SERPINB2: variants seen among roughly 807,000 people sequenced by gnomAD.
SERPINB2 encodes serpin family B member 2.
SERPINB2 carries 28 observed loss-of-function variants against 39.4 expected under a neutral mutation model. The observed-to-expected ratio is 0.71, with a 90% CI of 0.53 to 0.97. The LOEUF is 0.97. Among genes scored for constraint, SERPINB2 ranks in the 50% least tolerant of loss-of-function variants. The pLI is 0.00. For synonymous variants in SERPINB2, 209 were observed against 175.1 expected (o/e 1.19, Z -1.53); for missense variants, 557 against 505.3 (o/e 1.10, Z -0.98).
chr18:63,893,867 T>C (rs1199775649), intron 2 of SERPINB2, among the ~76,000 whole-genome samples: 3 of 152,204 alleles, frequency 2.0e-5, no homozygotes, highest in Admixed American at 6.5e-5. Context: ...ATTACCGTAC[T>C]CATTTTACAG....
chr18:63,901,353 G>T (rs1725027536), intron 5 of SERPINB2, among the ~76,000 whole-genome samples: 1 of 152,014 alleles, frequency 6.6e-6, no homozygotes, highest in African/African-American at 2.4e-5. Flanking sequence ...AGACTATCTA[G>T]ACCAGATCTA....
Position 63,902,547 on chromosome 18 carries a change from T to C in SERPINB2, c.822T>C (p.Asp274=), listed in dbSNP as rs531529510. 27 of 1,613,348 alleles carry C rather than the reference T, an allele frequency of 1.7e-5. No homozygotes were observed. The highest frequency in any genetic ancestry group is 2.2e-5 in the East Asian group (1 of 44,848). ...MFLLLPDEIA[D]VSTGLELLES... is the part of the protein sequence containing the mutation. ...TGTTGCTTCCAGATGAAATTGCCGA[T>C]GTGTCCACTGGCTTGGAGCTGGTAA... The change falls in exon 7 of 8, where the codon GAT becomes GAC. Residue 274 remains aspartate, a synonymous_variant. Transcript: ENST00000299502.
At chr18:63,891,689 T>C (rs1282255639) in intron 2 of SERPINB2, 77 bp downstream of exon 2, 51 of 1,421,258 alleles carry the variant, frequency 3.6e-5, no homozygotes, top group Non-Finnish European at 4.8e-5. Flanking sequence ...TGTTTTATGC[T>C]AAAGACATTT....
Position 63,903,019 on chromosome 18 carries a change from G to C in SERPINB2, c.962G>C (p.Arg321Thr). 6.2e-7 allele frequency: 1 copy of C among 1,613,892 alleles called. No individual in the cohort carries two copies. Among genetic ancestry groups the C allele is most frequent in the Non-Finnish European group, 8.5e-7 (1 of 1,179,838 alleles). ...AAATTAGAAGAGCATTATGAACTCA[G>C]ATCCATTCTGAGAAGCATGGGCATG... ...QFKLEEHYEL[R>T]SILRSMGMED... The change falls in exon 8 of 8, where the codon AGA becomes ACA. Residue 321 changes from arginine (R) to threonine (T), a missense_variant. Coordinates refer to ENST00000299502, the MANE Select transcript of SERPINB2 (RefSeq NM_002575.3).
chr18:63,897,644 A>G, intron 4 of SERPINB2, 83 bp from the exon 5 acceptor site: 2 of 1,022,924 alleles, frequency 2.0e-6, no homozygotes, highest in Admixed American at 1.9e-5. Context: ...CCTAATTTCA[A>G]TGGGAAGACC....
At chr18:63,894,609 G>T (rs550718300) in intron 2 of SERPINB2, among the ~76,000 whole-genome samples, 87 of 152,258 alleles carry the variant, frequency 5.7e-4, no homozygotes, top group African/African-American at 2.0e-3. Flanking sequence ...GTGGGAAGGG[G>T]ATCTGAGGAA....
intron 5 of SERPINB2, among the ~76,000 whole-genome samples, chr18:63,899,344 T>G (rs9950615): frequency 0.37 from 55,873 of 152,006 alleles, 12,931 homozygotes; most frequent in African/African-American, 0.64. Context: ...TTTGGGTAGG[T>G]CCAGTATGTC....
intron 6 of SERPINB2, 43 bp downstream of exon 6, chr18:63,901,925 G>A: frequency 1.3e-6 from 2 of 1,560,872 alleles, no homozygotes; most frequent in East Asian, 4.7e-5. Flanking sequence ...ATATTTTAGG[G>A]CTTTTGACAA....
chr18:63,897,647 G>A (rs1199227141), intron 4 of SERPINB2, 80 bp from the exon 5 acceptor site: 13 of 1,030,148 alleles, frequency 1.3e-5, no homozygotes, highest in African/African-American at 3.2e-5. Context: ...AATTTCAATG[G>A]GAAGACCATA....
At chr18:63,900,697 A>G (rs1342281639) in intron 5 of SERPINB2, among the ~76,000 whole-genome samples, 2 of 152,112 alleles carry the variant, frequency 1.3e-5, no homozygotes, top group South Asian at 4.1e-4. Flanking sequence ...CACAATGGTA[A>G]ACTGACATGG....
intron 1 of SERPINB2, among the ~76,000 whole-genome samples, chr18:63,888,601 A>G (rs2049906797): frequency 6.6e-6 from 1 of 152,204 alleles, no homozygotes; most frequent in South Asian, 2.1e-4. Flanking sequence ...CCAATCTAAC[A>G]TCCAGGGCCA....
chr18:63,899,816 A>C (rs961373343), intron 5 of SERPINB2, among the ~76,000 whole-genome samples: 1 of 152,196 alleles, frequency 6.6e-6, no homozygotes, highest in Non-Finnish European at 1.5e-5. Context: ...GTCTTGCTTT[A>C]TTAATTACCA....
chr18:63,897,454 T>C (rs2049967099), intron 4 of SERPINB2, among the ~76,000 whole-genome samples: 1 of 152,156 alleles, frequency 6.6e-6, no homozygotes, highest in South Asian at 2.1e-4. Flanking sequence ...ATGCAACTGT[T>C]TTCCAGAGAC....
intron 3 of SERPINB2, 140 bp from the exon 4 acceptor site, chr18:63,896,951 A>G (rs924750710): frequency 6.4e-6 from 4 of 624,032 alleles, no homozygotes; most frequent in Non-Finnish European, 1.0e-5. Flanking sequence ...TTTCTCAAAG[A>G]TTCCTCTAAT....
At position 63,895,357 on chromosome 18, in the gene SERPINB2, G is replaced by A. The variant is rs2049952827; in HGVS notation, c.262G>A (p.Gly88Ser). Residue 88 changes from glycine to serine, a missense_variant, in exon 3 of 8, where the codon GGT becomes AGT. Gly to Ser is a moderately conservative substitution (Grantham distance 56). Transcript: ENST00000299502. ...TGGGTTCATGCAGCAGATCCAGAAG[G>A]GTAGTTATCCTGATGCGATTTTGCA... ...SCGFMQQIQKGSYPDAILQAQ... is the reference protein window; with the variant it reads ...SCGFMQQIQKSSYPDAILQAQ... 6.2e-7 allele frequency: 1 copy of A among 1,613,988 alleles called. No homozygotes were observed. Among genetic ancestry groups the A allele is most frequent in the Non-Finnish European group, 8.5e-7 (1 of 1,179,952 alleles).
At position 63,903,203 on chromosome 18, in the gene SERPINB2, A is replaced by G; in HGVS notation, c.1146A>G (p.Gly382=). The change falls in exon 8 of 8, where the codon GGA becomes GGG. Residue 382 remains glycine, a synonymous_variant. Transcript: ENST00000299502. The stretch of plus-strand genomic sequence containing the variant: ...GAGGTGTTATGACAGGGAGAACTGG[A>G]CATGGAGGCCCACAGTTTGTGGCAG... The part of the protein sequence containing the change: ...GTGGVMTGRT[G]HGGPQFVADH... 6.2e-7 allele frequency: 1 copy of G among 1,613,270 alleles called. No individual in the cohort carries two copies. The highest frequency in any genetic ancestry group is 8.5e-7 in the Non-Finnish European group (1 of 1,179,570).
chr18:63,892,962 T>C lies in SERPINB2; in HGVS notation c.168+1350T>C, dbSNP rs552776492. On this transcript the variant is annotated intron_variant, in intron 2 of 7. Transcript: ENST00000299502. ...CCTTTCTTTTTTTTGAGATGGAGTCTCGCCCTATCACCCAGGCTGGAGTGC... is the reference window on the plus strand; with the variant it reads ...CCTTTCTTTTTTTTGAGATGGAGTCCCGCCCTATCACCCAGGCTGGAGTGC... Among the ~76,000 whole-genome samples the C allele has an allele frequency of 1.2e-4, 19 of 152,260 alleles. No individual in the cohort carries two copies. In the Middle Eastern group the frequency reaches 0.01, roughly 82 times the overall value.
intron 2 of SERPINB2, 145 bp from the exon 3 acceptor site, chr18:63,895,119 A>C: frequency 7.0e-6 from 6 of 851,462 alleles, no homozygotes; most frequent in Non-Finnish European, 1.1e-5. Flanking sequence ...ACACAGAAAG[A>C]GTATTGAGTA....
intron 5 of SERPINB2, among the ~76,000 whole-genome samples, chr18:63,901,272 C>T (rs918334818): frequency 2.0e-5 from 3 of 152,122 alleles, no homozygotes; most frequent in African/African-American, 7.2e-5. Flanking sequence ...CTTGTATCTG[C>T]ACTACTCTTA....
Sources: allele counts gnomAD v4.1 joint callset (sites outside exome capture counted in the v4.1 genomes callset), GRCh38; gene constraint gnomAD v4.1.1; transcripts MANE v1.5; gene names NCBI Gene and HGNC (gene_info 2026-07-23, HGNC 2026-07-21).